The following AR variants were observed in gnomAD, a reference collection of about 807,000 sequenced individuals.
AR encodes the protein androgen receptor.
Under a neutral mutation model 53.9 loss-of-function variants are expected in AR, and 8 were observed. The observed-to-expected ratio is 0.15, with a 90% CI of 0.09 to 0.27. AR has a LOEUF of 0.27. AR is among the 10% of genes least tolerant of loss of function. The pLI is 1.00. For synonymous variants in AR, 359 were observed against 316.4 expected (o/e 1.13, Z -1.43); for missense variants, 639 against 742.5 (o/e 0.86, Z 1.62).
chrX:67,716,878 T>C (rs749910063), intron 4 of AR, among the ~76,000 whole-genome samples: 1 of 112,097 alleles, frequency 8.9e-6, no homozygotes, highest in East Asian at 2.8e-4. Context: ...GGTGAAGTGA[T>C]CAAGAGCACA....
intron 4 of AR, 104 bp from the exon 5 acceptor site, chrX:67,717,374 A>T (rs2076117617): frequency 9.3e-7 from 1 of 1,075,680 alleles, no homozygotes; most frequent in Non-Finnish European, 1.3e-6. Context: ...GGGGATCCTT[A>T]GGGGATGCCC....
intron 1 of AR, among the ~76,000 whole-genome samples, chrX:67,593,515 C>A (rs1033590410): frequency 2.0e-4 from 22 of 110,175 alleles, no homozygotes; most frequent in Admixed American, 1.9e-3. Flanking sequence ...CCATGCCCAG[C>A]TAATGTTTGT....
chrX:67,606,061 T>A (rs1310540232), intron 1 of AR, among the ~76,000 whole-genome samples: 2 of 111,777 alleles, frequency 1.8e-5, no homozygotes, highest in East Asian at 5.6e-4. Flanking sequence ...GCTATTTTTT[T>A]TAAATTTCAT....
chrX:67,668,441 A>G (rs761886441), intron 2 of AR, among the ~76,000 whole-genome samples: 6 of 111,159 alleles, frequency 5.4e-5, no homozygotes, highest in African/African-American at 2.0e-4. Flanking sequence ...GAACTTTTTA[A>G]TGTGTTGTTG....
rs139519025 is a variant in AR at position 67,580,882 on chromosome X, A to G, written c.1616+34120A>G. Reference sequence around the variant, plus strand: ...CACTCCTATATACATTCCCAGCACTATCAGACTTTTTGGCACATAGAAGAT... The same window carrying G: ...CACTCCTATATACATTCCCAGCACTGTCAGACTTTTTGGCACATAGAAGAT... On this transcript the variant is annotated intron_variant, in intron 1 of 7. Coordinates refer to ENST00000374690, the MANE Select transcript of AR (RefSeq NM_000044.6). 4.0e-3 allele frequency among the ~76,000 whole-genome samples: 447 copies of G among 111,762 alleles called. 1 individual carries two copies. Among genetic ancestry groups the G allele is most frequent in the African/African-American group, 0.011 (337 of 30,831 alleles).
intron 3 of AR, among the ~76,000 whole-genome samples, chrX:67,701,775 A>G (rs1278657889): frequency 1.8e-5 from 2 of 111,761 alleles, no homozygotes; most frequent in Non-Finnish European, 3.8e-5. Flanking sequence ...TCACCATTGG[A>G]TAAGATAATT....
chrX:67,626,899 C>T (rs373655155), intron 1 of AR, among the ~76,000 whole-genome samples: 12 of 100,735 alleles, frequency 1.2e-4, no homozygotes, highest in South Asian at 1.0e-3. Flanking sequence ...TTTGTTCTTG[C>T]GATAGTTTAC....
At chrX:67,674,319 A>G (rs907974759) in intron 2 of AR, among the ~76,000 whole-genome samples, 7 of 109,775 alleles carry the variant, frequency 6.4e-5, no homozygotes, top group African/African-American at 2.0e-4. Context: ...GTCTCGCCCA[A>G]CGCCCACAGA....
At chrX:67,650,220 A>C (rs1372449346) in intron 2 of AR, among the ~76,000 whole-genome samples, 1 of 112,338 alleles carries the variant, frequency 8.9e-6, no homozygotes, top group Non-Finnish European at 1.9e-5. Flanking sequence ...TTTAAATTTC[A>C]TATGGAACCA....
intron 1 of AR, among the ~76,000 whole-genome samples, chrX:67,576,660 G>T (rs1335309216): frequency 9.0e-6 from 1 of 110,809 alleles, no homozygotes; most frequent in African/African-American, 3.3e-5. Context: ...TAGTAAAATG[G>T]CCACCAGAAA....
chrX:67,669,784 T>A (rs1319153104), intron 2 of AR, among the ~76,000 whole-genome samples: 8 of 110,471 alleles, frequency 7.2e-5, no homozygotes, highest in African/African-American at 2.6e-4. Flanking sequence ...GACCCCTTTA[T>A]CATTATATAA....
At chrX:67,563,215 G>T (rs1354494792) in intron 1 of AR, among the ~76,000 whole-genome samples, 1 of 111,552 alleles carries the variant, frequency 9.0e-6, no homozygotes, top group Non-Finnish European at 1.9e-5. Flanking sequence ...AGGGCCTTCG[G>T]GAAAGAAGCT....
chrX:67,664,540 C>A (rs947146642), intron 2 of AR, among the ~76,000 whole-genome samples: 1 of 112,091 alleles, frequency 8.9e-6, no homozygotes, highest in African/African-American at 3.2e-5. Context: ...GGGGGTGCCT[C>A]CCAGTTAGGC....
At chrX:67,661,873 G>T (rs1212787046) in intron 2 of AR, among the ~76,000 whole-genome samples, 4 of 111,632 alleles carry the variant, frequency 3.6e-5, no homozygotes, top group Non-Finnish European at 1.9e-5. Context: ...TTCAGAGCCT[G>T]TTATTGGTCT....
chrX:67,588,284 C>G (rs748261717), intron 1 of AR, among the ~76,000 whole-genome samples: 1 of 111,970 alleles, frequency 8.9e-6, no homozygotes, highest in South Asian at 3.8e-4. Context: ...TCAAGCTGCC[C>G]ATGTCCCCAC....
chrX:67,651,800 G>T (rs1318249962), intron 2 of AR, among the ~76,000 whole-genome samples: 1 of 111,808 alleles, frequency 8.9e-6, no homozygotes, highest in Non-Finnish European at 1.9e-5. Flanking sequence ...CATTAGATGT[G>T]CGAGGGACAT....
chrX:67,655,427 G>T (rs757522185), intron 2 of AR, among the ~76,000 whole-genome samples: 8 of 111,523 alleles, frequency 7.2e-5, no homozygotes, highest in Non-Finnish European at 1.1e-4. Flanking sequence ...CACTTGGAAA[G>T]AGTTTTCTTT....
intron 1 of AR, among the ~76,000 whole-genome samples, chrX:67,585,661 A>G (rs1457058072): frequency 8.9e-6 from 1 of 112,154 alleles, no homozygotes; most frequent in Non-Finnish European, 1.9e-5. Flanking sequence ...ACCATAGCCT[A>G]TCTTTGTCAC....
intron 1 of AR, among the ~76,000 whole-genome samples, chrX:67,586,037 G>A (rs1368953382): frequency 9.0e-6 from 1 of 111,583 alleles, no homozygotes; most frequent in Admixed American, 9.5e-5. Context: ...TTTCAAGAGG[G>A]TACTTGTTTT....
Sources: allele counts gnomAD v4.1 joint callset (sites outside exome capture counted in the v4.1 genomes callset), GRCh38; gene constraint gnomAD v4.1.1; transcripts MANE v1.5; gene names NCBI Gene and HGNC (gene_info 2026-07-23, HGNC 2026-07-21).